RFC1: variants seen among roughly 807,000 people sequenced by gnomAD.
The protein encoded by RFC1 is A1 140 kDa subunit.
A neutral mutation model predicts 137.4 loss-of-function variants in RFC1; 37 were observed. That is an observed-to-expected ratio of 0.27 (90% confidence interval 0.21 to 0.35). RFC1 has a LOEUF of 0.35. Among genes scored for constraint, RFC1 ranks in the 10% least tolerant of loss-of-function variants. The pLI is 1.00. For missense variants in RFC1, 1,205 were observed against 1,358.5 expected (o/e 0.89, Z 1.78); for synonymous variants, 429 against 455.7 (o/e 0.94, Z 0.75).
At chr4:39,346,306 G>A (rs1436340002) in intron 2 of RFC1, among the ~76,000 whole-genome samples, 7 of 151,974 alleles carry the variant, frequency 4.6e-5, no homozygotes, top group Non-Finnish European at 7.4e-5. Flanking sequence ...AAGAAACTCC[G>A]TCTCTACTAA....
chr4:39,288,987 T>C (rs1292196754), intron 24 of RFC1, 143 bp from the exon 25 acceptor site: 6 of 641,572 alleles, frequency 9.4e-6, no homozygotes, highest in South Asian at 3.9e-5. Context: ...CTTGAACTAC[T>C]GCAACCCATG....
intron 5 of RFC1, among the ~76,000 whole-genome samples, chr4:39,326,943 G>A (rs1419508374): frequency 6.6e-6 from 1 of 152,180 alleles, no homozygotes; most frequent in African/African-American, 2.4e-5. Context: ...TTGACAAGTA[G>A]CCCAGAACAT....
Position 39,300,350 on chromosome 4 carries a change from A to C in RFC1, c.2600T>G (p.Val867Gly), listed in dbSNP as rs1272868342. 6.2e-7 allele frequency: 1 copy of C among 1,614,062 alleles called. No individual in the cohort carries two copies. The highest frequency in any genetic ancestry group is 1.1e-5 in the South Asian group (1 of 91,086). Residue 867 changes from valine (V) to glycine (G), a missense_variant, in exon 20 of 25, where the codon GTG (valine) becomes GGG (glycine). This residue lies in a region of RFC1 where 962 missense variants were observed against 1,035.3 expected (regional missense o/e 0.93). Coordinates refer to ENST00000349703, the MANE Select transcript of RFC1 (RefSeq NM_002913.5). ...ATGAAAAAAGAGATCTGACTTGTCC[A>C]CAAGTGACATGTGAGCAGTCTCCTC... is the stretch of plus-strand genomic sequence containing the variant. ...AGEETAHMSL[V>G]DKSDLFFHDY...
At chr4:39,310,667 C>A (rs1222467555) in intron 12 of RFC1, among the ~76,000 whole-genome samples, 1 of 152,200 alleles carries the variant, frequency 6.6e-6, no homozygotes, top group East Asian at 1.9e-4. Flanking sequence ...CCAGACCCTC[C>A]CTGCCCATAG....
At position 39,321,321 on chromosome 4, in the gene RFC1, T is replaced by G. The variant is rs779098990; in HGVS notation, c.774A>C (p.Leu258Phe). ...GETFSSVQAN[L>F]SKAEKHKYPH... is the part of the protein sequence containing the mutation. ...GATATTTATGTTTTTCTGCTTTACT[T>G]AAATTGGCTTGGACAGATGAAAACG... The change falls in exon 8 of 25, where the codon TTA becomes TTC. Residue 258 changes from leucine to phenylalanine, a missense_variant. Around this residue, in one of 3 missense-constraint regions of RFC1, gnomAD observed 962 missense variants for 1,035.3 expected, o/e 0.93. Coordinates refer to ENST00000349703, the MANE Select transcript of RFC1 (RefSeq NM_002913.5). 14 of 1,613,718 alleles carry G rather than the reference T, an allele frequency of 8.7e-6. No individual in the cohort carries two copies. The South Asian group carries it at 1.5e-4, about 18-fold the overall frequency.
In RFC1 at chr4:39,306,632, G is replaced by A. The variant is rs774313023; in HGVS notation, c.1955C>T (p.Pro652Leu). Reference sequence around the variant, plus strand: ...AGCTGTGGTGGTTTTGCCAACACCAGGAGGGCCTGACAGCAACGCTGCTTT... The same window carrying A: ...AGCTGTGGTGGTTTTGCCAACACCAAGAGGGCCTGACAGCAACGCTGCTTT... ...SFKAALLSGP[P>L]GVGKTTTASL... Residue 652 changes from proline (P) to leucine (L), a missense_variant, in exon 14 of 25, where the codon CCT (proline) becomes CTT (leucine). By Grantham distance (98) the Pro-to-Leu change is moderately conservative (BLOSUM62 -3). Coordinates refer to ENST00000349703, the MANE Select transcript of RFC1 (RefSeq NM_002913.5). 1 of 1,613,376 alleles carries A rather than the reference G, an allele frequency of 6.2e-7. No homozygotes were observed. Among genetic ancestry groups the A allele is most frequent in the South Asian group, 1.1e-5 (1 of 91,064 alleles).
intron 3 of RFC1, among the ~76,000 whole-genome samples, chr4:39,342,978 C>G (rs111773198): frequency 1.4e-3 from 208 of 152,310 alleles, no homozygotes; most frequent in African/African-American, 4.7e-3. Flanking sequence ...TTCTACCTCC[C>G]TATTCCTTGT....
rs370051804 is a variant in RFC1, at chr4:39,323,316, G to A, written c.720+24C>T. The A allele has an allele frequency of 2.0e-4, 321 of 1,606,034 alleles. No homozygotes were observed. The African/African-American group carries it at 3.5e-3, about 17-fold the overall frequency. On this transcript the variant is annotated intron_variant, in intron 7 of 24. Transcript: ENST00000349703. ...CTGATCTGTACTGTATATTCAGAAC[G>A]CAAATAGCCCAACATTATGCCACCT...
At chr4:39,317,506 T>C (rs971457954) in intron 9 of RFC1, among the ~76,000 whole-genome samples, 14 of 152,074 alleles carry the variant, frequency 9.2e-5, no homozygotes, top group African/African-American at 3.4e-4. Flanking sequence ...AGTAGGAGAA[T>C]CTAAACAGTC....
At position 39,302,260 on chromosome 4, in the gene RFC1, C is replaced by T; in HGVS notation, c.2535+18G>A. 2 of 1,515,926 alleles carry T rather than the reference C, an allele frequency of 1.3e-6. No individual in the cohort carries two copies. Among genetic ancestry groups the T allele is most frequent in the Admixed American group, 1.7e-5 (1 of 59,900 alleles). The allele number at this position is 1,515,926 out of a possible 1,614,324, so 93.9% of individuals were successfully genotyped here. On this transcript the variant is annotated intron_variant, in intron 19 of 24. Coordinates refer to ENST00000349703, the MANE Select transcript of RFC1 (RefSeq NM_002913.5). ...TTTTGGCTTAGGAAAGTAACTAAGA[C>T]ATGGACATTTATTTTACCATTTTGA...
intron 4 of RFC1, among the ~76,000 whole-genome samples, chr4:39,340,252 A>G (rs1740548697): frequency 6.6e-6 from 1 of 152,244 alleles, no homozygotes; most frequent in African/African-American, 2.4e-5. Flanking sequence ...GGAAAAGATA[A>G]AGTATGCAAT....
At chr4:39,308,351 T>C (rs1158535768) in intron 13 of RFC1, among the ~76,000 whole-genome samples, 2 of 152,152 alleles carry the variant, frequency 1.3e-5, no homozygotes, top group African/African-American at 4.8e-5. Context: ...ACCACACATC[T>C]TCATCCTCAC....
At chr4:39,354,527 AAGT>A (rs1277145252) in intron 1 of RFC1, among the ~76,000 whole-genome samples, 1 of 152,174 alleles carries the variant, frequency 6.6e-6, no homozygotes, top group Non-Finnish European at 1.5e-5. Context: ...CAATCTTGGC[AAGT>A]AGAAGTCCCT....
At chr4:39,344,110 T>C (rs1740735828) in intron 3 of RFC1, among the ~76,000 whole-genome samples, 1 of 143,304 alleles carries the variant, frequency 7.0e-6, no homozygotes, top group South Asian at 2.2e-4. Context: ...CAAAATTCCG[T>C]CTCAAAAAAA....
chr4:39,301,017 C>T (rs1031345948), intron 19 of RFC1, among the ~76,000 whole-genome samples: 15 of 151,098 alleles, frequency 9.9e-5, no homozygotes, highest in Admixed American at 8.6e-4. Context: ...CACATGAACC[C>T]GGGAGGCAGA....
chr4:39,320,816 G>C, intron 8 of RFC1, 147 bp from the exon 9 acceptor site: 2 of 650,532 alleles, frequency 3.1e-6, no homozygotes, highest in Non-Finnish European at 4.8e-6. Flanking sequence ...TCTGTTTATA[G>C]TAAATCTATA....
intron 4 of RFC1, among the ~76,000 whole-genome samples, chr4:39,329,272 C>A (rs753491635): frequency 6.6e-6 from 1 of 151,484 alleles, no homozygotes; most frequent in Non-Finnish European, 1.5e-5. Context: ...GAGGCTGAGG[C>A]GGAGGATTGC....
chr4:39,364,266 G>A (rs201764244), intron 1 of RFC1, among the ~76,000 whole-genome samples: 4 of 144,660 alleles, frequency 2.8e-5, no homozygotes, highest in Non-Finnish European at 4.5e-5. Flanking sequence ...CAGTCTGAGG[G>A]AAAAAAAAAA....
chr4:39,325,737 T>C (rs1739730271), intron 6 of RFC1, among the ~76,000 whole-genome samples: 1 of 152,152 alleles, frequency 6.6e-6, no homozygotes, highest in Non-Finnish European at 1.5e-5. Flanking sequence ...AAAAAGAACT[T>C]GCATGTTTCA....
Sources: gnomAD v4.1 joint callset for allele counts (sites outside exome capture counted in the v4.1 genomes callset) on GRCh38, gnomAD v4.1.1 for gene constraint, gnomAD v4.1.1 regional missense constraint, MANE v1.5 for transcripts, NCBI Gene and HGNC (gene_info 2026-07-23, HGNC 2026-07-21) for gene names.